Variants in ERBB2 observed in about 807,000 individuals in gnomAD.
ERBB2 encodes the protein receptor tyrosine-protein kinase erbB-2.
A neutral mutation model predicts 149.0 loss-of-function variants in ERBB2; 61 were observed. That is an observed-to-expected ratio of 0.41 (90% CI 0.33 to 0.51). The LOEUF is 0.51. Among genes scored for constraint, ERBB2 ranks in the 20% least tolerant of loss-of-function variants. The pLI, the probability that ERBB2 is intolerant of heterozygous loss-of-function variation, is 0.25. For missense variants in ERBB2, 1,205 were observed against 1,655.1 expected (o/e 0.73, Z 4.72); for synonymous variants, 633 against 678.8 (o/e 0.93, Z 1.05).
chr17:39,707,282 C>T (rs1567897376), intron 2 of ERBB2, 141 bp downstream of exon 2: 1 of 670,148 alleles, frequency 1.5e-6, no homozygotes, highest in East Asian at 3.3e-5. Flanking sequence ...TCCTTTCTAA[C>T]ATCTAACCCC....
At chr17:39,724,694 C>T (rs750924182) in intron 19 of ERBB2, 32 bp from the exon 20 acceptor site, 1 of 1,605,908 alleles carries the variant, frequency 6.2e-7, no homozygotes, top group Non-Finnish European at 8.5e-7. Context: ...TGTGTGGTCT[C>T]CCATACCCTC....
intron 1 of ERBB2, among the ~76,000 whole-genome samples, chr17:39,702,585 A>C (rs2058177516): frequency 6.6e-6 from 1 of 152,252 alleles, no homozygotes; most frequent in Non-Finnish European, 1.5e-5. Flanking sequence ...AGAAAAAAAC[A>C]ATTGAAAAGA....
chr17:39,718,064 G>A (rs764042635), intron 15 of ERBB2, among the ~76,000 whole-genome samples: 4 of 152,080 alleles, frequency 2.6e-5, no homozygotes, highest in East Asian at 1.9e-4. Flanking sequence ...TGCCAGCCTC[G>A]GTCCCCCAAA....
intron 8 of ERBB2, 64 bp from the exon 9 acceptor site, chr17:39,712,258 C>T (rs757354176): frequency 1.1e-5 from 18 of 1,604,782 alleles, no homozygotes; most frequent in Non-Finnish European, 1.5e-5. Flanking sequence ...GCTCATGTGG[C>T]TGTTGACCTG....
rs376450229 is a variant in ERBB2, at chr17:39,727,325, G to A, written c.3190G>A (p.Glu1064Lys). ...CGGTGGGGACCTGACACTAGGGCTG[G>A]AGCCCTCTGAAGAGGAGGCCCCCAG... ...SGGGDLTLGL[E>K]PSEEEAPRSP... Residue 1064 changes from glutamate (E) to lysine (K), a missense_variant, in exon 26 of 27, where the codon GAG (glutamate) becomes AAG (lysine). By Grantham distance (56) the Glu-to-Lys change is moderately conservative. Coordinates refer to ENST00000269571, the MANE Select transcript of ERBB2 (RefSeq NM_004448.4). This position sits in a 1 kb window ranked among gnomAD's most constrained non-coding sequence, Gnocchi z 4.3. 6.2e-6 allele frequency: 10 copies of A among 1,612,698 alleles called. No homozygotes were observed. The highest frequency in any genetic ancestry group is 3.3e-5 in the South Asian group (3 of 90,958).
chr17:39,728,085 G>T lies in ERBB2; in HGVS notation c.*41G>T. On this transcript the variant is annotated 3_prime_UTR_variant, in exon 27 of 27. Transcript: ENST00000269571. ...CCGCAGAAGCCCTGATGTGTCCTCA[G>T]GGAGCAGGGAAGGCCTGACTTCTGC... The T allele has an allele frequency of 7.0e-7, 1 of 1,429,176 alleles. No homozygotes were observed. Among genetic ancestry groups the T allele is most frequent in the South Asian group, 1.3e-5 (1 of 77,236 alleles). 88.5% of individuals were successfully genotyped at this position (1,429,176 alleles called of 1,614,324 possible).
intron 1 of ERBB2, among the ~76,000 whole-genome samples, chr17:39,702,353 T>G (rs2058161830): frequency 6.6e-6 from 1 of 151,900 alleles, no homozygotes; most frequent in Admixed American, 6.6e-5. Flanking sequence ...ACCCAAGGGG[T>G]GAGGTCTGGG....
At chr17:39,713,436 A>G (rs2058930700) in intron 9 of ERBB2, among the ~76,000 whole-genome samples, 1 of 150,232 alleles carries the variant, frequency 6.7e-6, no homozygotes, top group Non-Finnish European at 1.5e-5. Flanking sequence ...ATTTTATTGT[A>G]TATAAGTTAT....
At chr17:39,694,226 AATATATATATATATATATATAT>A (rs1417710622), upstream of ERBB2, among the ~76,000 whole-genome samples, 34 of 18,524 alleles carry the variant, frequency 1.8e-3, 1 homozygote, top group South Asian at 0.014. Context: ...AAAAAAAAAA[AATATATATATATATATATATAT>A]ATATATATAT....
upstream of ERBB2, chr17:39,696,872 A>T (rs1462862941): frequency 1.3e-5 from 2 of 152,242 alleles, no homozygotes; most frequent in African/African-American, 4.8e-5. Flanking sequence ...TCTAACCCTG[A>T]TCCTAACATC....
intron 2 of ERBB2, 191 bp downstream of exon 2, chr17:39,707,332 C>T (rs923351959): frequency 3.2e-5 from 16 of 495,148 alleles, no homozygotes; most frequent in African/African-American, 1.8e-4. Flanking sequence ...CTCTCTATAA[C>T]GTGGCTGGCC....
Position 39,716,304 on chromosome 17 carries a change from G to A in ERBB2, c.1517G>A (p.Gly506Asp). ...TANRPEDECV[G>D]EGLACHQLCA... ...GGTCCCTTCCTCCTCACTGCAGTGG[G>A]CGAGGGCCTGGCCTGCCACCAGCTG... The change falls in exon 13 of 27, where the codon GGC becomes GAC. Residue 506 changes from glycine to aspartate, a missense_variant. By Grantham distance (94) the Gly-to-Asp change is moderately conservative (BLOSUM62 -1). Transcript: ENST00000269571. The A allele has an allele frequency of 1.3e-6, 2 of 1,587,272 alleles. No homozygotes were observed. The highest frequency in any genetic ancestry group is 1.1e-5 in the South Asian group (1 of 87,724).
chr17:39,722,161 G>C (rs561569068), intron 16 of ERBB2, among the ~76,000 whole-genome samples: 3 of 152,110 alleles, frequency 2.0e-5, no homozygotes, highest in African/African-American at 7.2e-5. Context: ...CAGGTGATCT[G>C]CCCATCTCAG....
upstream of ERBB2, among the ~76,000 whole-genome samples, chr17:39,690,609 C>T (rs971206338): frequency 1.3e-5 from 2 of 152,122 alleles, no homozygotes; most frequent in Non-Finnish European, 2.9e-5. Flanking sequence ...ATTTCCCTGC[C>T]AGCACAGCCC....
intron 7 of ERBB2, among the ~76,000 whole-genome samples, chr17:39,711,648 C>T (rs2058804512): frequency 6.6e-6 from 1 of 152,188 alleles, no homozygotes; most frequent in African/African-American, 2.4e-5. Context: ...TAGAGCCAGA[C>T]CATTTGGGTT....
At chr17:39,694,271 G>GTA (rs1393087883), upstream of ERBB2, among the ~76,000 whole-genome samples, 18 of 26,654 alleles carry the variant, frequency 6.8e-4, 2 homozygotes, top group South Asian at 1.8e-3. Context: ...ATATATATGT[G>GTA]TGTATATATA....
chr17:39,700,684 A>C (rs1224869249), intron 1 of ERBB2, among the ~76,000 whole-genome samples: 3 of 151,436 alleles, frequency 2.0e-5, no homozygotes, highest in Non-Finnish European at 4.4e-5. Context: ...AAGCCTTTCC[A>C]GTTGGCAGCC....
Position 39,709,452 on chromosome 17 carries a change from T to A in ERBB2, c.574T>A (p.Cys192Ser), listed in dbSNP as rs2145477567. Residue 192 changes from cysteine (C) to serine (S), a missense_variant and splice_region_variant, in exon 4 of 27, where the codon TGC becomes AGC. Cys to Ser is a moderately radical substitution (Grantham distance 112, BLOSUM62 -1). Transcript: ENST00000269571. ...TLIDTNRSRA[C>S]HPCSPMCKGS... ...GATAGACACCAACCGCTCTCGGGCCTGTAAGCCATGCCCCTCCCTGCTGCC... is the reference window on the plus strand; with the variant it reads ...GATAGACACCAACCGCTCTCGGGCCAGTAAGCCATGCCCCTCCCTGCTGCC... 1.2e-6 allele frequency: 2 copies of A among 1,614,052 alleles called. No homozygotes were observed. Among genetic ancestry groups the A allele is most frequent in the Non-Finnish European group, 1.7e-6 (2 of 1,179,978 alleles).
At chr17:39,699,848 A>G (rs2057979337), upstream of ERBB2, 3 of 564,566 alleles carry the variant, frequency 5.3e-6, no homozygotes, top group Non-Finnish European at 8.7e-6. Context: ...GAACGGCTGC[A>G]GGCAACCCAG....
Sources: allele counts gnomAD v4.1 joint callset (sites outside exome capture counted in the v4.1 genomes callset), GRCh38; gene constraint gnomAD v4.1.1; non-coding constraint Gnocchi (gnomAD v3.1); transcripts MANE v1.5; gene names NCBI Gene and HGNC (gene_info 2026-07-23, HGNC 2026-07-21).